The following UGCG variants were observed in gnomAD, a reference collection of about 807,000 sequenced individuals.
UGCG encodes ceramide glucosyltransferase.
UGCG carries 10 observed loss-of-function variants against 49.5 expected under a neutral mutation model. The ratio of observed to expected loss-of-function variants is 0.20; its 90% CI spans 0.12 to 0.34. The LOEUF is 0.34. Among genes scored for constraint, UGCG ranks in the 10% least tolerant of loss-of-function variants. The pLI, the probability that UGCG is intolerant of heterozygous loss-of-function variation, is 1.00. For missense variants in UGCG, 312 were observed against 483.7 expected, an observed-to-expected ratio of 0.65 and a Z score of 3.33; for synonymous variants, 182 against 158.2, an observed-to-expected ratio of 1.15 and a Z score of -1.13.
Position 111,914,663 on chromosome 9 carries a change from GTC to G in UGCG, c.163_164del (p.Leu55SerfsTer10). Reference sequence around the variant, plus strand: ...ACAGCCTTATAGCAAGCTCCCAGGTGTCTCTCTTCTGAAACCACTGAAAGGGG... The same window carrying G: ...ACAGCCTTATAGCAAGCTCCCAGGTGTCTCTTCTGAAACCACTGAAAGGGG... ...DKQPYSKLPG[V>X]SLLKPLKGVD... On this transcript the variant is annotated frameshift_variant, in exon 2 of 9. Transcript: ENST00000374279. LOFTEE classifies it high-confidence loss of function. The G allele has an allele frequency of 1.2e-6, 2 of 1,614,124 alleles. No individual in the cohort carries two copies. Among genetic ancestry groups the G allele is most frequent in the Non-Finnish European group, 1.7e-6 (2 of 1,180,008 alleles).
intron 1 of UGCG, among the ~76,000 whole-genome samples, chr9:111,897,961 TTTCATTTTTGTTTAACAA>T (rs1837696369): frequency 6.7e-6 from 1 of 148,766 alleles, no homozygotes; most frequent in African/African-American, 2.5e-5. Flanking sequence ...GGCCACATCT[TTTCATTTTTGTTTAACAA>T]ATACTTCTTG....
At chr9:111,931,488 A>G (rs2118604905) in intron 7 of UGCG, 131 bp downstream of exon 7, 1 of 746,790 alleles carries the variant, frequency 1.3e-6, no homozygotes. Flanking sequence ...TGCAGAAAAT[A>G]GAGTTTAACG....
rs767680094 is a variant in UGCG at position 111,929,595 on chromosome 9, T to C, written c.654T>C (p.Asp218=). Residue 218 remains aspartate, a synonymous_variant, in exon 6 of 9, where the codon GAT becomes GAC. Transcript: ENST00000374279. The part of the protein sequence containing the change: ...VTGMSCLMRK[D]VLDQAGGLIA... ...GAATGTCTTGTTTAATGAGAAAAGA[T>C]GTGTTGGATCAAGCAGGAGGACTTA... 10 of 1,613,944 alleles carry C rather than the reference T, an allele frequency of 6.2e-6. No homozygotes were observed. Among genetic ancestry groups the C allele is most frequent in the African/African-American group, 1.3e-5 (1 of 74,912 alleles).
At position 111,897,076 on chromosome 9, in the gene UGCG, C is replaced by G. The variant is rs889232222; in HGVS notation, c.-140C>G. ...GCCCTGCCCGCCCCTTCCGTCCCCA[C>G]CCCCCTCCGCCCTTTCCTCTCCCCA... is the stretch of plus-strand genomic sequence containing the variant. On this transcript the variant is annotated 5_prime_UTR_variant, in exon 1 of 9. Coordinates refer to ENST00000374279, the MANE Select transcript of UGCG (RefSeq NM_003358.3). The G allele has an allele frequency of 1.2e-5, 6 of 498,992 alleles. No homozygotes were observed. Among genetic ancestry groups the G allele is most frequent in the African/African-American group, 2.1e-5 (1 of 47,908 alleles). The allele number at this position is 498,992 out of a possible 1,614,324, so 30.9% of individuals were successfully genotyped here. A position where few individuals can be genotyped will look rare whatever the true frequency, so the allele number is the denominator to read the frequency against.
intron 1 of UGCG, among the ~76,000 whole-genome samples, chr9:111,909,495 C>CT (rs1181535610): frequency 6.6e-6 from 1 of 152,194 alleles, no homozygotes; most frequent in Non-Finnish European, 1.5e-5. Context: ...TTGTTGACAT[C>CT]TTTAAGAGTT....
At chr9:111,916,016 A>G (rs900677322) in intron 2 of UGCG, among the ~76,000 whole-genome samples, 5 of 152,150 alleles carry the variant, frequency 3.3e-5, no homozygotes, top group East Asian at 3.8e-4. Flanking sequence ...AATTAAATAC[A>G]TGTGTTAACT....
chr9:111,915,688 G>A, intron 2 of UGCG: 1 of 727,878 alleles, frequency 1.4e-6, no homozygotes, highest in Non-Finnish European at 1.7e-6. Context: ...CAAATAATCA[G>A]AAGGAAGATG....
chr9:111,916,644 A>AT (rs1838116493), intron 2 of UGCG, among the ~76,000 whole-genome samples: 1 of 151,504 alleles, frequency 6.6e-6, no homozygotes, highest in South Asian at 2.1e-4. Flanking sequence ...TGATTTTTGT[A>AT]TTTTTTGTAG....
intron 1 of UGCG, among the ~76,000 whole-genome samples, chr9:111,904,854 C>G (rs929990997): frequency 2.0e-5 from 3 of 152,040 alleles, no homozygotes; most frequent in Non-Finnish European, 2.9e-5. Context: ...AAGAGCAAAA[C>G]TTTGTCTTGG....
At chr9:111,918,584 C>G (rs1349513957) in intron 2 of UGCG, among the ~76,000 whole-genome samples, 1 of 152,024 alleles carries the variant, frequency 6.6e-6, no homozygotes, top group East Asian at 1.9e-4. Flanking sequence ...TCTGGCTAAT[C>G]AGAAAGTATT....
intron 1 of UGCG, among the ~76,000 whole-genome samples, chr9:111,903,939 G>T (rs994122081): frequency 7.9e-5 from 12 of 151,972 alleles, no homozygotes; most frequent in Non-Finnish European, 1.3e-4. Context: ...CTGCACTATG[G>T]AGTCACATCA....
rs911971549 is a variant in UGCG, at chr9:111,934,120, C to CTG, written c.*1131_*1132dup. 1.1e-4 allele frequency: 17 copies of CTG among 150,158 alleles called. No individual in the cohort carries two copies. Among genetic ancestry groups the CTG allele is most frequent in the South Asian group, 8.4e-4 (4 of 4,736 alleles). The allele number at this position is 150,158 out of a possible 1,614,324, so 9.3% of individuals were successfully genotyped here. On this transcript the variant is annotated 3_prime_UTR_variant, in exon 9 of 9. Transcript: ENST00000374279. ...ATTAATCAGTATCAAACTAAGTCTA[C>CTG]TGTGTGTGTTTTTTTTTTTTGTTTT...
At position 111,932,985 on chromosome 9, in the gene UGCG, C is replaced by G; in HGVS notation, c.1173C>G (p.Ile391Met). 6.3e-7 allele frequency: 1 copy of G among 1,581,930 alleles called. No individual in the cohort carries two copies. Among genetic ancestry groups the G allele is most frequent in the Non-Finnish European group, 8.6e-7 (1 of 1,163,548 alleles). The change falls in exon 9 of 9, where the codon ATC becomes ATG. Residue 391 changes from isoleucine to methionine, a missense_variant. By Grantham distance (10) the Ile-to-Met change is conservative (BLOSUM62 1). Coordinates refer to ENST00000374279, the MANE Select transcript of UGCG (RefSeq NM_003358.3). ...GCTGTGGGGGTACAGCAGAGGAAAT[C>G]CTAGATGTATAACTACAGCTTTGTG... ...RLRCGGTAEE[I>M]LDV
chr9:111,932,263 A>T lies in UGCG; in HGVS notation c.918A>T (p.Ala306=), dbSNP rs778265767. 13 of 1,614,066 alleles carry T rather than the reference A, an allele frequency of 8.1e-6. No homozygotes were observed. The highest frequency in any genetic ancestry group is 1.0e-5 in the Non-Finnish European group (12 of 1,180,030). ...CFVASLIIGW[A]AHHVFRWDIM... The stretch of plus-strand genomic sequence containing the variant: ...TTGCCAGTTTAATTATTGGATGGGC[A>T]GCCCACCATGTGTTCAGATGGGATA... The change falls in exon 8 of 9, where the codon GCA becomes GCT. Residue 306 remains alanine (A), a synonymous_variant. Coordinates refer to ENST00000374279, the MANE Select transcript of UGCG (RefSeq NM_003358.3).
intron 2 of UGCG, among the ~76,000 whole-genome samples, chr9:111,919,142 G>A (rs1166364943): frequency 6.6e-6 from 1 of 151,956 alleles, no homozygotes; most frequent in East Asian, 1.9e-4. Flanking sequence ...GTACTTTATG[G>A]AATTGCATTA....
At chr9:111,918,688 C>G (rs1394750585) in intron 2 of UGCG, among the ~76,000 whole-genome samples, 1 of 152,162 alleles carries the variant, frequency 6.6e-6, no homozygotes, top group East Asian at 1.9e-4. Context: ...AATCCCAGCA[C>G]TTTGGGAGGC....
chr9:111,907,725 A>G (rs2131718696), intron 1 of UGCG, among the ~76,000 whole-genome samples: 1 of 151,940 alleles, frequency 6.6e-6, no homozygotes, highest in East Asian at 1.9e-4. Flanking sequence ...CCCGGATTCA[A>G]GTGATTCTCC....
At chr9:111,923,666 C>A (rs1838268407) in intron 3 of UGCG, among the ~76,000 whole-genome samples, 1 of 150,884 alleles carries the variant, frequency 6.6e-6, no homozygotes, top group Admixed American at 6.6e-5. Context: ...ATTTTTTGCT[C>A]TTATCACCCG....
chr9:111,904,321 G>A (rs77352159), intron 1 of UGCG, among the ~76,000 whole-genome samples: 1,591 of 152,220 alleles, frequency 0.01, 34 homozygotes, highest in African/African-American at 0.037. Flanking sequence ...GGTAGTCTCA[G>A]GGCTCAGCTA....
Sources: gnomAD v4.1 joint callset for allele counts (sites outside exome capture counted in the v4.1 genomes callset) on GRCh38, gnomAD v4.1.1 for gene constraint, MANE v1.5 for transcripts, NCBI Gene and HGNC (gene_info 2026-07-23, HGNC 2026-07-21) for gene names.